The following STIMATE variants were observed in gnomAD, a reference collection of about 807,000 sequenced individuals.
The protein encoded by STIMATE is STIM activating enhancer, also known as store-operated calcium entry regulator STIMATE.
Under a neutral mutation model 36.7 loss-of-function variants are expected in STIMATE, and 15 were observed. The observed-to-expected ratio is 0.41, with a 90% CI of 0.27 to 0.63. The LOEUF (loss-of-function observed/expected upper bound fraction) is 0.63. Ranked by LOEUF, STIMATE falls within the 20% of genes least tolerant of loss-of-function variation. The pLI, the probability that STIMATE is intolerant of heterozygous loss-of-function variation, is 0.32. For synonymous variants in STIMATE, 163 were observed against 162.3 expected (o/e 1.00, Z -0.03); for missense variants, 305 against 397.3 (o/e 0.77, Z 1.98).
intron 2 of STIMATE, among the ~76,000 whole-genome samples, chr3:52,853,547 G>A (rs913021731): frequency 2.0e-5 from 3 of 152,126 alleles, no homozygotes; most frequent in African/African-American, 7.2e-5. Context: ...AGATTATCCA[G>A]ACCAACCCAG....
intron 1 of STIMATE, among the ~76,000 whole-genome samples, chr3:52,881,314 A>G (rs905216575): frequency 2.0e-5 from 3 of 152,174 alleles, no homozygotes; most frequent in African/African-American, 7.2e-5. Flanking sequence ...GAATATGACA[A>G]ACCGCCTCTC....
chr3:52,844,525 T>C (rs908388969), intron 5 of STIMATE, among the ~76,000 whole-genome samples: 8 of 152,356 alleles, frequency 5.3e-5, no homozygotes, highest in African/African-American at 1.9e-4. Flanking sequence ...TGTTTGCCGA[T>C]GTAGAAACAT....
intron 1 of STIMATE, among the ~76,000 whole-genome samples, chr3:52,890,901 G>C (rs750620139): frequency 6.6e-6 from 1 of 152,128 alleles, no homozygotes; most frequent in African/African-American, 2.4e-5. Flanking sequence ...CTTCGCCTCA[G>C]ATGCTAGACC....
At chr3:52,866,305 G>A (rs1369433256) in intron 1 of STIMATE, among the ~76,000 whole-genome samples, 7 of 152,358 alleles carry the variant, frequency 4.6e-5, no homozygotes, top group South Asian at 2.1e-4. Context: ...GTCTCAGCAC[G>A]GCTGCGGCGT....
chr3:52,861,572 C>A (rs761023454), intron 1 of STIMATE, among the ~76,000 whole-genome samples: 3 of 152,174 alleles, frequency 2.0e-5, no homozygotes, highest in Admixed American at 6.5e-5. Context: ...CTGCTATGAC[C>A]GGCTAGGCAC....
Position 52,888,005 on chromosome 3 carries a change from T to TTTTTTTTTG in STIMATE, c.160+9285_160+9286insCAAAAAAAA, listed in dbSNP as rs1553631438. 3.0e-4 allele frequency among the ~76,000 whole-genome samples: 41 copies of TTTTTTTTTG among 136,866 alleles called. 2 individuals carry two copies. Among genetic ancestry groups the TTTTTTTTTG allele is most frequent in the Admixed American group, 1.3e-3 (18 of 13,614 alleles). The allele number at this position is 136,866 out of a possible 152,430, so 89.8% of individuals were successfully genotyped here. A position where few individuals can be genotyped will look rare whatever the true frequency, so the allele number is the denominator to read the frequency against. ...ATATAACAGAATCAGTTTTTTTTTT[T>TTTTTTTTTG]TTTTTTTTTTTTTTTTGCCAGTAAT... On this transcript the variant is annotated intron_variant, in intron 1 of 7. Transcript: ENST00000355083.
At position 52,836,776 on chromosome 3, in the gene STIMATE, T is replaced by G; in HGVS notation, c.*3718A>C. 2.9e-6 allele frequency: 1 copy of G among 345,010 alleles called. No homozygotes were observed. 21.4% of individuals were successfully genotyped at this position (345,010 alleles called of 1,614,324 possible). The stretch of plus-strand genomic sequence containing the variant: ...TGTAATAAGATGCCAAACTTTATTG[T>G]AAACCATTTTACAATGTAAGTACAT... On this transcript the variant is annotated 3_prime_UTR_variant, in exon 8 of 8. Transcript: ENST00000355083.
intron 3 of STIMATE, 45 bp from the exon 4 acceptor site, chr3:52,849,958 G>A: frequency 6.3e-7 from 1 of 1,592,920 alleles, no homozygotes. Context: ...AAGCCACGGG[G>A]CCAGAGGTCA....
intron 4 of STIMATE, among the ~76,000 whole-genome samples, chr3:52,849,503 T>C (rs1700962356): frequency 6.6e-6 from 1 of 152,222 alleles, no homozygotes; most frequent in Non-Finnish European, 1.5e-5. Context: ...GTGGGACTGC[T>C]GGTGTCTTCC....
chr3:52,863,219 C>T (rs527730518), intron 1 of STIMATE, among the ~76,000 whole-genome samples: 4 of 152,098 alleles, frequency 2.6e-5, no homozygotes, highest in Non-Finnish European at 5.9e-5. Context: ...AAGACATACC[C>T]GAGACTGGGA....
At chr3:52,887,207 C>T (rs541306096) in intron 1 of STIMATE, among the ~76,000 whole-genome samples, 4 of 152,210 alleles carry the variant, frequency 2.6e-5, no homozygotes, top group African/African-American at 9.6e-5. Flanking sequence ...AAAAGAACAC[C>T]TGTGTCCTTA....
chr3:52,847,159 C>T, intron 4 of STIMATE: 2 of 946,988 alleles, frequency 2.1e-6, no homozygotes, highest in Non-Finnish European at 2.5e-6. Flanking sequence ...ATCCTCCCCG[C>T]TTAAGCCTCC....
At chr3:52,869,853 G>A (rs148812975) in intron 1 of STIMATE, among the ~76,000 whole-genome samples, 2 of 152,222 alleles carry the variant, frequency 1.3e-5, no homozygotes, top group African/African-American at 4.8e-5. Context: ...TGGGACCAGG[G>A]AGACTTGCTT....
chr3:52,844,490 C>A (rs1456379567), intron 5 of STIMATE, among the ~76,000 whole-genome samples: 1 of 152,230 alleles, frequency 6.6e-6, no homozygotes, highest in African/African-American at 2.4e-5. Flanking sequence ...GTTAAACTAC[C>A]AGCCAAGAGA....
chr3:52,889,185 T>G (rs550486314), intron 1 of STIMATE, among the ~76,000 whole-genome samples: 1 of 152,204 alleles, frequency 6.6e-6, no homozygotes, highest in Non-Finnish European at 1.5e-5. Flanking sequence ...CTTCGATGCA[T>G]GACTATCCTG....
chr3:52,842,859 G>C lies in STIMATE; in HGVS notation c.720C>G (p.Ser240Arg). The change falls in exon 7 of 8, where the codon AGC (serine) becomes AGG (arginine). Residue 240 changes from serine to arginine, a missense_variant. Around this residue, in one of 3 missense-constraint regions of STIMATE, gnomAD observed 84 missense variants for 82.4 expected, o/e 1.02. Coordinates refer to ENST00000355083, the MANE Select transcript of STIMATE (RefSeq NM_198563.5). ...RGANQDSRNGSKVRYRRAASH... is the reference protein window; with the variant it reads ...RGANQDSRNGRKVRYRRAASH... ...ATGCGGCCCTCCGGTAGCGGACCTT[G>C]CTCCCATTCCTCGAGTCCTGGTTGG... 6.2e-7 allele frequency: 1 copy of C among 1,614,228 alleles called. No homozygotes were observed. Among genetic ancestry groups the C allele is most frequent in the Non-Finnish European group, 8.5e-7 (1 of 1,180,050 alleles).
At chr3:52,850,629 G>A (rs1474231115) in intron 3 of STIMATE, among the ~76,000 whole-genome samples, 1 of 152,230 alleles carries the variant, frequency 6.6e-6, no homozygotes, top group African/African-American at 2.4e-5. Context: ...GCACCAGAGA[G>A]GTTCAGGAAA....
intron 1 of STIMATE, among the ~76,000 whole-genome samples, chr3:52,892,277 A>C (rs1005251381): frequency 6.6e-6 from 1 of 152,258 alleles, no homozygotes; most frequent in African/African-American, 2.4e-5. Flanking sequence ...CCCCTAATTC[A>C]GACAACTTCC....
intron 1 of STIMATE, among the ~76,000 whole-genome samples, chr3:52,866,673 G>A (rs1313702159): frequency 2.6e-5 from 4 of 152,228 alleles, no homozygotes; most frequent in East Asian, 1.9e-4. Context: ...CATGTGGAGG[G>A]CGGGGACCAG....
Sources: allele counts gnomAD v4.1 joint callset (sites outside exome capture counted in the v4.1 genomes callset), GRCh38; gene constraint gnomAD v4.1.1; regional missense constraint gnomAD v4.1.1; transcripts MANE v1.5; gene names NCBI Gene and HGNC (gene_info 2026-07-23, HGNC 2026-07-21).